Variants in TXNRD1 observed in about 807,000 individuals in gnomAD.
TXNRD1 encodes thioredoxin reductase 1.
A neutral mutation model predicts 80.3 loss-of-function variants in TXNRD1; 57 were observed. That is an observed-to-expected ratio of 0.71 (90% CI 0.57 to 0.89). The LOEUF is 0.89. Among genes scored for constraint, TXNRD1 ranks in the 40% least tolerant of loss-of-function variants. The pLI is 0.00. For missense variants in TXNRD1, 730 were observed against 803.0 expected, an observed-to-expected ratio of 0.91 and a Z score of 1.10; for synonymous variants, 291 against 285.2, an observed-to-expected ratio of 1.02 and a Z score of -0.20.
At chr12:104,301,061 A>G (rs1220040810) in intron 4 of TXNRD1, among the ~76,000 whole-genome samples, 4 of 152,250 alleles carry the variant, frequency 2.6e-5, no homozygotes, top group Admixed American at 6.5e-5. Flanking sequence ...CAGCACTGTA[A>G]ATCACAACTT....
intron 4 of TXNRD1, among the ~76,000 whole-genome samples, chr12:104,297,637 T>C (rs1257280023): frequency 1.3e-5 from 2 of 152,156 alleles, no homozygotes; most frequent in Non-Finnish European, 2.9e-5. Flanking sequence ...AGTGCTGAGA[T>C]TACAGGTGTA....
chr12:104,287,354 A>G (rs1183697165), intron 3 of TXNRD1: 1 of 1,613,984 alleles, frequency 6.2e-7, no homozygotes, highest in East Asian at 2.2e-5. Flanking sequence ...GTGGTAGGTG[A>G]GGCCGGCGCC....
chr12:104,302,897 A>T (rs2034697957), intron 4 of TXNRD1, among the ~76,000 whole-genome samples: 2 of 152,114 alleles, frequency 1.3e-5, no homozygotes, highest in South Asian at 4.1e-4. Flanking sequence ...CCAATGGGTA[A>T]ATTTTCCCAC....
chr12:104,350,131 C>T lies in TXNRD1; in HGVS notation c.*1710C>T, dbSNP rs896314686. ...AGTGGAGTGGAATGTTCTATCCCCA[C>T]AAGAAGGATTATATCTTATAGACTT... On this transcript the variant is annotated 3_prime_UTR_variant, in exon 17 of 17. Coordinates refer to ENST00000525566, the MANE Select transcript of TXNRD1 (RefSeq NM_001093771.3). The T allele has an allele frequency of 9.2e-5, 14 of 152,092 alleles. No individual in the cohort carries two copies. The highest frequency in any genetic ancestry group is 2.1e-4 in the Non-Finnish European group (14 of 68,032). 9.4% of individuals were successfully genotyped at this position (152,092 alleles called of 1,614,324 possible).
rs1442459027 is a variant in TXNRD1 at position 104,242,701 on chromosome 12, G to GC, written c.92-8823dup. On this transcript the variant is annotated intron_variant, in intron 1 of 16. Coordinates refer to ENST00000525566, the MANE Select transcript of TXNRD1 (RefSeq NM_001093771.3). Reference sequence around the variant, plus strand: ...CCTCTTCCACGTTCCCTGTGGTAGAGCCCAACCCTGACAGGAGACTCTTGG... The same window carrying GC: ...CCTCTTCCACGTTCCCTGTGGTAGAGCCCCAACCCTGACAGGAGACTCTTGG... Among the ~76,000 whole-genome samples the GC allele has an allele frequency of 2.6e-5, 4 of 152,244 alleles. No homozygotes were observed. The East Asian group carries it at 7.7e-4, about 29-fold the overall frequency.
chr12:104,255,570 G>A (rs1161911050), intron 2 of TXNRD1, among the ~76,000 whole-genome samples: 2 of 152,042 alleles, frequency 1.3e-5, no homozygotes, highest in Non-Finnish European at 2.9e-5. Flanking sequence ...AGGCCGAGGC[G>A]GGCGGATCAC....
intron 4 of TXNRD1, among the ~76,000 whole-genome samples, chr12:104,301,671 C>A (rs1443913963): frequency 6.6e-6 from 1 of 152,132 alleles, no homozygotes; most frequent in Non-Finnish European, 1.5e-5. Flanking sequence ...GTGAGAAGCT[C>A]CTAAGAATAT....
chr12:104,250,838 C>T (rs2033102455), intron 1 of TXNRD1, among the ~76,000 whole-genome samples: 1 of 151,978 alleles, frequency 6.6e-6, no homozygotes, highest in Admixed American at 6.6e-5. Flanking sequence ...ATAGTTTAAA[C>T]ATTTTTACAA....
chr12:104,277,627 T>C (rs2033783084), intron 3 of TXNRD1, among the ~76,000 whole-genome samples: 1 of 151,886 alleles, frequency 6.6e-6, no homozygotes, highest in Admixed American at 6.6e-5. Context: ...GTCCCCTCAG[T>C]AGATTCCAGA....
intron 10 of TXNRD1, among the ~76,000 whole-genome samples, chr12:104,321,981 A>T: frequency 6.6e-6 from 1 of 151,814 alleles, no homozygotes; most frequent in Non-Finnish European, 1.5e-5. Context: ...GTTAAAGTTA[A>T]GGAATTATAG....
intron 6 of TXNRD1, among the ~76,000 whole-genome samples, chr12:104,313,956 T>G (rs899357811): frequency 3.3e-5 from 5 of 152,142 alleles, no homozygotes; most frequent in Admixed American, 2.6e-4. Flanking sequence ...AAGGAAGACA[T>G]CTGAAGAGGT....
chr12:104,278,270 G>A (rs1181798277), intron 3 of TXNRD1, among the ~76,000 whole-genome samples: 1 of 144,012 alleles, frequency 6.9e-6, no homozygotes, highest in African/African-American at 2.6e-5. Context: ...GCGTGATCTC[G>A]GCTCACTGCA....
At chr12:104,326,043 A>G (rs1593847992) in intron 11 of TXNRD1, among the ~76,000 whole-genome samples, 1 of 152,220 alleles carries the variant, frequency 6.6e-6, no homozygotes, top group East Asian at 1.9e-4. Context: ...CACTTAAAAA[A>G]TAATTTAGTT....
At chr12:104,305,479 G>A (rs2034869152) in intron 4 of TXNRD1, among the ~76,000 whole-genome samples, 1 of 152,176 alleles carries the variant, frequency 6.6e-6, no homozygotes, top group Non-Finnish European at 1.5e-5. Flanking sequence ...TTCTGTTATT[G>A]TACTCAGCAA....
At chr12:104,318,349 T>C (rs1280591782) in intron 7 of TXNRD1, among the ~76,000 whole-genome samples, 3 of 152,342 alleles carry the variant, frequency 2.0e-5, no homozygotes, top group African/African-American at 2.4e-5. Flanking sequence ...ATGGTAAATA[T>C]TTTAGGATTC....
chr12:104,229,488 G>A (rs181164679), intron 1 of TXNRD1, among the ~76,000 whole-genome samples: 29 of 151,590 alleles, frequency 1.9e-4, no homozygotes, highest in African/African-American at 6.8e-4. Context: ...ATATTTTCAA[G>A]GTTTATTCAC....
rs1011006221 is a variant in TXNRD1, at chr12:104,348,808, G to A, written c.*387G>A. On this transcript the variant is annotated 3_prime_UTR_variant, in exon 17 of 17. Coordinates refer to ENST00000525566, the MANE Select transcript of TXNRD1 (RefSeq NM_001093771.3). Reference sequence around the variant, plus strand: ...TGAATTTTTTTCTTTTTTCTCCATGGTGTTAATGATATTAGAGATGAAAAA... The same window carrying A: ...TGAATTTTTTTCTTTTTTCTCCATGATGTTAATGATATTAGAGATGAAAAA... 4 of 192,044 alleles carry A rather than the reference G, an allele frequency of 2.1e-5. No homozygotes were observed. The highest frequency in any genetic ancestry group is 9.4e-5 in the African/African-American group (4 of 42,482). 11.9% of individuals were successfully genotyped at this position (192,044 alleles called of 1,614,324 possible).
At chr12:104,339,950 A>G (rs1371370907) in intron 16 of TXNRD1, among the ~76,000 whole-genome samples, 7 of 152,230 alleles carry the variant, frequency 4.6e-5, no homozygotes, top group East Asian at 1.9e-4. Flanking sequence ...GCAAACACGC[A>G]CACACACACA....
intron 3 of TXNRD1, among the ~76,000 whole-genome samples, chr12:104,270,811 C>T (rs1593733640): frequency 6.6e-6 from 1 of 151,982 alleles, no homozygotes; most frequent in East Asian, 1.9e-4. Flanking sequence ...GGCAATATAG[C>T]CTCCTTTATA....
Sources: gnomAD v4.1 joint callset for allele counts (sites outside exome capture counted in the v4.1 genomes callset) on GRCh38, gnomAD v4.1.1 for gene constraint, MANE v1.5 for transcripts, NCBI Gene and HGNC (gene_info 2026-07-23, HGNC 2026-07-21) for gene names.